Variants in PCGF3 observed in about 807,000 individuals in gnomAD.
The protein encoded by PCGF3 is polycomb group RING finger protein 3.
PCGF3 carries 7 observed loss-of-function variants against 33.1 expected under a neutral mutation model. That is an observed-to-expected ratio of 0.21 (90% CI 0.12 to 0.40). PCGF3 has a LOEUF of 0.40. Ranked by LOEUF, PCGF3 falls within the 10% of genes least tolerant of loss-of-function variation. PCGF3 has a pLI of 1.00. For synonymous variants in PCGF3, 153 were observed against 121.3 expected (o/e 1.26, Z -1.72); for missense variants, 211 against 313.3 (o/e 0.67, Z 2.46).
At chr4:758,680 G>A (rs113486737) in intron 8 of PCGF3, among the ~76,000 whole-genome samples, 26 of 62,264 alleles carry the variant, frequency 4.2e-4, no homozygotes, top group Admixed American at 6.5e-4. Flanking sequence ...CTTTCTCCCC[G>A]CGCGGCCCCT....
At chr4:767,319 T>C (rs916582273) in exon 11 of PCGF3, 1 of 152,158 alleles carries the variant, frequency 6.6e-6, no homozygotes, top group Non-Finnish European at 1.5e-5. Flanking sequence ...CACACATTTT[T>C]TTTTTTCCTT....
chr4:757,673 T>C lies in PCGF3; in HGVS notation c.463-3606T>C, dbSNP rs146673872. The C allele has an allele frequency of 5.9e-5, 9 of 152,352 alleles. No homozygotes were observed. The East Asian group carries it at 1.7e-3, about 29-fold the overall frequency. 9.4% of individuals were successfully genotyped at this position (152,352 alleles called of 1,614,324 possible). A position where few individuals can be genotyped will look rare whatever the true frequency, so the allele number is the denominator to read the frequency against. ...ACCTTACACATTCCACGATTTTCCA[T>C]GGAGGATGTGAGTTGGTTCCTGCTT... On this transcript the variant is annotated intron_variant, in intron 8 of 10. Coordinates refer to ENST00000362003, the Ensembl canonical transcript of PCGF3.
chr4:725,188 C>T (rs1028960352), intron 1 of PCGF3: 2 of 152,292 alleles, frequency 1.3e-5, no homozygotes, highest in African/African-American at 2.4e-5. Context: ...GATGAGGACT[C>T]GTATTTCAGC....
chr4:726,853 A>G (rs532853348), intron 1 of PCGF3, among the ~76,000 whole-genome samples: 1 of 152,218 alleles, frequency 6.6e-6, no homozygotes, highest in Non-Finnish European at 1.5e-5. Flanking sequence ...GTCCAGTTTC[A>G]TGGACTTGCC....
intron 5 of PCGF3, among the ~76,000 whole-genome samples, chr4:735,516 A>C (rs991844210): frequency 6.6e-6 from 1 of 150,550 alleles, no homozygotes; most frequent in Admixed American, 6.6e-5. Flanking sequence ...GTTGCACTCC[A>C]GCCTGGCGAC....
intron 1 of PCGF3, among the ~76,000 whole-genome samples, chr4:722,622 C>CG (rs1416045832): frequency 5.3e-5 from 7 of 132,064 alleles, no homozygotes; most frequent in Admixed American, 7.6e-5. Context: ...GGTCCACACT[C>CG]AGTCATCGCC....
chr4:762,276 G>A (rs762688420), intron 9 of PCGF3: 22 of 220,542 alleles, frequency 1.0e-4, no homozygotes, highest in Non-Finnish European at 1.7e-4. Context: ...TGAGGCGGAG[G>A]AAGACTCGAG....
intron 8 of PCGF3, among the ~76,000 whole-genome samples, chr4:753,505 T>A (rs920170644): frequency 5.9e-5 from 9 of 151,742 alleles, no homozygotes; most frequent in African/African-American, 2.2e-4. Context: ...ATACAAAAAA[T>A]TAGCTGGGCG....
intron 6 of PCGF3, among the ~76,000 whole-genome samples, chr4:738,325 CAG>C (rs1001760173): frequency 2.0e-5 from 3 of 152,264 alleles, no homozygotes; most frequent in African/African-American, 7.2e-5. Context: ...TCCCTACTCA[CAG>C]AGTTCATTCA....
intron 1 of PCGF3, among the ~76,000 whole-genome samples, chr4:719,026 C>T (rs1742970058): frequency 6.6e-6 from 1 of 151,946 alleles, no homozygotes; most frequent in African/African-American, 2.4e-5. Flanking sequence ...ACTATCTTGG[C>T]TCATTGCAAC....
chr4:733,103 C>A (rs62296765), intron 3 of PCGF3, among the ~76,000 whole-genome samples: 1 of 114,080 alleles, frequency 8.8e-6, no homozygotes, highest in Non-Finnish European at 1.8e-5. Context: ...CGCCCCTGCC[C>A]CGTGCTGCCT....
intron 5 of PCGF3, among the ~76,000 whole-genome samples, chr4:735,376 A>G (rs571683458): frequency 6.6e-6 from 1 of 152,304 alleles, no homozygotes; most frequent in East Asian, 1.9e-4. Context: ...GAGAAACCCC[A>G]TCTCTACTAA....
At chr4:764,789 G>C (rs549086596) in intron 9 of PCGF3, 195 bp from the exon 10 acceptor site, 5 of 560,040 alleles carry the variant, frequency 8.9e-6, no homozygotes, top group South Asian at 2.1e-5. Flanking sequence ...TCAGCTGTGA[G>C]GTAGGGACCA....
At chr4:713,664 G>A (rs1385453926) in intron 1 of PCGF3, among the ~76,000 whole-genome samples, 1 of 152,176 alleles carries the variant, frequency 6.6e-6, no homozygotes, top group Admixed American at 6.5e-5. Flanking sequence ...TCAGGGCGTG[G>A]CCCGTATTAG....
intron 1 of PCGF3, chr4:723,752 C>G (rs1743214422): frequency 6.6e-6 from 1 of 152,474 alleles, no homozygotes; most frequent in Admixed American, 6.5e-5. Flanking sequence ...TGAAGGACAG[C>G]ACAGGGGCCT....
intron 4 of PCGF3, chr4:734,358 C>T (rs1743745821): frequency 1.4e-6 from 2 of 1,416,964 alleles, no homozygotes; most frequent in Non-Finnish European, 1.8e-6. Flanking sequence ...GTGTGCGTCT[C>T]TTGATGGCTG....
intron 6 of PCGF3, among the ~76,000 whole-genome samples, chr4:738,076 G>A (rs1228693009): frequency 2.0e-5 from 3 of 152,270 alleles, no homozygotes; most frequent in South Asian, 2.1e-4. Context: ...GTGGCCCTCC[G>A]CTGGCGACCG....
intron 3 of PCGF3, 131 bp from the exon 4 acceptor site, chr4:733,541 G>A (rs1743705713): frequency 4.7e-6 from 4 of 854,006 alleles, no homozygotes; most frequent in Middle Eastern, 5.5e-4. Flanking sequence ...GACCCCGTGA[G>A]CCCAAGAGGC....
At chr4:712,132 T>A (rs1256215893) in intron 1 of PCGF3, among the ~76,000 whole-genome samples, 2 of 152,236 alleles carry the variant, frequency 1.3e-5, no homozygotes, top group Admixed American at 6.5e-5. Flanking sequence ...AAATTATTTT[T>A]AATTTCATAC....
Sources: allele counts gnomAD v4.1 joint callset (sites outside exome capture counted in the v4.1 genomes callset), GRCh38; gene constraint gnomAD v4.1.1; transcripts MANE v1.5; gene names NCBI Gene and HGNC (gene_info 2026-07-23, HGNC 2026-07-21).